C12orf42: variants seen among roughly 807,000 people sequenced by gnomAD.
C12orf42 encodes the protein uncharacterized protein C12orf42.
In C12orf42, 25 loss-of-function variants were observed where a neutral mutation model predicts 21.6. That is an observed-to-expected ratio of 1.16 (90% CI 0.84 to 1.62). The LOEUF is 1.62. C12orf42 is among the 40% of genes most tolerant of loss of function. The pLI, the probability that C12orf42 is intolerant of heterozygous loss-of-function variation, is 0.00. For missense variants in C12orf42, 483 were observed against 459.3 expected (o/e 1.05, Z -0.47); for synonymous variants, 174 against 175.0 (o/e 0.99, Z 0.05).
chr12:103,524,887 C>G, the C12orf42 span, among the ~76,000 whole-genome samples: 1 of 146,858 alleles, frequency 6.8e-6, no homozygotes. Context: ...GAGTTATCTT[C>G]TCCTGACTCC....
intron 2 of C12orf42, among the ~76,000 whole-genome samples, chr12:103,468,435 G>A (rs1300389400): frequency 6.6e-6 from 1 of 152,168 alleles, no homozygotes; most frequent in African/African-American, 2.4e-5. Flanking sequence ...TTCATAGGAT[G>A]GCTATGTAAT....
At chr12:103,249,896 C>T (rs2034206885) in intron 10 of C12orf42, among the ~76,000 whole-genome samples, 1 of 152,104 alleles carries the variant, frequency 6.6e-6, no homozygotes, top group South Asian at 2.1e-4. Context: ...AACATTGACT[C>T]ACCAGGGCTA....
intron 2 of C12orf42, among the ~76,000 whole-genome samples, chr12:103,437,414 C>T (rs1027789411): frequency 6.6e-6 from 1 of 151,420 alleles, no homozygotes; most frequent in African/African-American, 2.4e-5. Flanking sequence ...CAGAGCAGAA[C>T]TGAAGGAAAT....
At chr12:103,351,656 G>T (rs1044192511) in intron 4 of C12orf42, among the ~76,000 whole-genome samples, 20 of 152,168 alleles carry the variant, frequency 1.3e-4, no homozygotes, top group African/African-American at 4.6e-4. Context: ...AGACCAAGAA[G>T]AAGTCGGGTA....
chr12:103,451,059 TG>T (rs1283030200), intron 2 of C12orf42, among the ~76,000 whole-genome samples: 20 of 152,116 alleles, frequency 1.3e-4, no homozygotes, highest in African/African-American at 4.3e-4. Flanking sequence ...ATTGTCACTT[TG>T]GGTGTGTCAG....
At chr12:103,206,521 T>TTATTACACACAC in the C12orf42 span, among the ~76,000 whole-genome samples, 2 of 148,610 alleles carry the variant, frequency 1.3e-5, no homozygotes, top group African/African-American at 4.9e-5. Flanking sequence ...TTTTCTATAT[T>TTATTACACACAC]ACACACACAC....
intron 10 of C12orf42, among the ~76,000 whole-genome samples, chr12:103,262,854 G>A (rs1234653492): frequency 2.0e-5 from 3 of 152,264 alleles, no homozygotes; most frequent in Admixed American, 6.5e-5. Context: ...ACATGCACAC[G>A]TATGTTTATT....
At chr12:103,156,187 G>A in the C12orf42 span, 1 of 152,114 alleles carries the variant, frequency 6.6e-6, no homozygotes, top group South Asian at 2.1e-4. Context: ...AGGCCACACA[G>A]TTTCTCTTGA....
chr12:103,511,108 G>C, the C12orf42 span, among the ~76,000 whole-genome samples: 232 of 152,328 alleles, frequency 1.5e-3, 1 homozygote, highest in African/African-American at 5.3e-3. Context: ...AAATGGAGGA[G>C]AAGATGGGAT....
At chr12:103,531,716 A>T in the C12orf42 span, among the ~76,000 whole-genome samples, 1 of 152,220 alleles carries the variant, frequency 6.6e-6, no homozygotes, top group Non-Finnish European at 1.5e-5. Context: ...CCCATCCAGT[A>T]TCAAAGCCCA....
chr12:103,257,262 AC>A (rs1178917290), intron 10 of C12orf42, among the ~76,000 whole-genome samples: 1 of 152,158 alleles, frequency 6.6e-6, no homozygotes. Flanking sequence ...TCAACTTAAT[AC>A]CTGGGTAATG....
In C12orf42 at chr12:103,302,534, G is replaced by T; in HGVS notation, c.657C>A (p.Ala219=). 6.2e-7 allele frequency: 1 copy of T among 1,609,660 alleles called. No homozygotes were observed. Reference sequence around the variant, plus strand: ...TCTGGCTCCTCCTGCAGAGGCCGATGGCAGTGGAAGGTCTGGCGGCAGAAC... The same window carrying T: ...TCTGGCTCCTCCTGCAGAGGCCGATTGCAGTGGAAGGTCTGGCGGCAGAAC... ...NSGSAARPST[A]IGLCRRSQTP... The change falls in exon 6 of 6, where the codon GCC becomes GCA. Residue 219 remains alanine (A), a synonymous_variant. Transcript: ENST00000548883.
At chr12:103,220,084 A>T in the C12orf42 span, among the ~76,000 whole-genome samples, 2 of 152,226 alleles carry the variant, frequency 1.3e-5, no homozygotes, top group Non-Finnish European at 2.9e-5. Flanking sequence ...TGCAGCCATA[A>T]AAAGGATGAA....
intron 3 of C12orf42, among the ~76,000 whole-genome samples, chr12:103,375,161 G>A (rs138630849): frequency 5.3e-5 from 8 of 152,178 alleles, no homozygotes; most frequent in East Asian, 1.9e-4. Flanking sequence ...GCCACTTTCC[G>A]TTTCTTGTAA....
the C12orf42 span, chr12:103,178,500 A>C: frequency 6.6e-6 from 1 of 152,196 alleles, no homozygotes; most frequent in South Asian, 2.1e-4. Flanking sequence ...GTCGGAGAGC[A>C]AGCCTCTCGG....
At chr12:103,396,188 T>C (rs1344232903) in intron 3 of C12orf42, among the ~76,000 whole-genome samples, 3 of 151,648 alleles carry the variant, frequency 2.0e-5, no homozygotes, top group African/African-American at 7.3e-5. Flanking sequence ...TGGTGGGAGG[T>C]GACTGGATCA....
chr12:103,177,877 G>A, the C12orf42 span, among the ~76,000 whole-genome samples: 5 of 52,504 alleles, frequency 9.5e-5, no homozygotes, highest in Admixed American at 6.6e-4. Context: ...GTGTGTGTGC[G>A]CGCGCGCTAA....
chr12:103,294,448 A>AAGAGAGAAAGGAGAGAG (rs1566025290), intron 4 of C12orf42, among the ~76,000 whole-genome samples: 30 of 128,894 alleles, frequency 2.3e-4, no homozygotes, highest in African/African-American at 9.9e-4. Flanking sequence ...GAAAGAAAGA[A>AAGAGAGAAAGGAGAGAG]AGAAAGAAAG....
At chr12:103,393,252 A>C (rs566014879) in intron 3 of C12orf42, among the ~76,000 whole-genome samples, 10 of 152,252 alleles carry the variant, frequency 6.6e-5, no homozygotes, top group African/African-American at 9.6e-5. Context: ...GAGAGCTTCT[A>C]AGCTTACAGT....
Sources: allele counts gnomAD v4.1 joint callset (sites outside exome capture counted in the v4.1 genomes callset), GRCh38; gene constraint gnomAD v4.1.1; transcripts MANE v1.5; gene names NCBI Gene and HGNC (gene_info 2026-07-23, HGNC 2026-07-21).